Variants in PCDHGB7 observed in about 807,000 individuals in gnomAD.
PCDHGB7 encodes protocadherin gamma subfamily B, 7.
Under a neutral mutation model 61.4 loss-of-function variants are expected in PCDHGB7, and 37 were observed. The observed-to-expected ratio is 0.60, with a 90% confidence interval of 0.46 to 0.79. The LOEUF is 0.79. Ranked by LOEUF, PCDHGB7 falls within the 30% of genes least tolerant of loss-of-function variation. The pLI is 0.00. For synonymous variants in PCDHGB7, 464 were observed against 503.5 expected (o/e 0.92, Z 1.05); for missense variants, 1,166 against 1,202.5 (o/e 0.97, Z 0.45).
At chr5:141,435,214 A>G (rs1314928643) in intron 1 of PCDHGB7, among the ~76,000 whole-genome samples, 2 of 152,176 alleles carry the variant, frequency 1.3e-5, no homozygotes, top group South Asian at 2.1e-4. Context: ...AAGTGAATTT[A>G]CTTTCTTTCA....
chr5:141,432,934 G>GC lies in PCDHGB7; in HGVS notation c.2415+12661dup. On this transcript the variant is annotated intron_variant, in intron 1 of 3. Transcript: ENST00000398594. The surrounding 1 kb of genome is among the most constrained non-coding windows in gnomAD (Gnocchi z 6.0). ...GGCGCTGGCACAAGTCACGCCTGCT[G>GC]CAGGCTTCAGGAGGCGGCTTGACAG... The GC allele has an allele frequency of 6.2e-7, 1 of 1,614,196 alleles. No individual in the cohort carries two copies. Among genetic ancestry groups the GC allele is most frequent in the Non-Finnish European group, 8.5e-7 (1 of 1,180,040 alleles).
chr5:141,454,948 C>T (rs2098807728), intron 1 of PCDHGB7, among the ~76,000 whole-genome samples: 1 of 151,548 alleles, frequency 6.6e-6, no homozygotes, highest in Non-Finnish European at 1.5e-5. Flanking sequence ...GCTGGGACTA[C>T]AGGCGCCGGC....
At chr5:141,423,529 C>T in intron 1 of PCDHGB7, 1 of 1,613,754 alleles carries the variant, frequency 6.2e-7, no homozygotes, top group South Asian at 1.1e-5. Flanking sequence ...GCAGAAGAGT[C>T]ACCTGATTTT....
rs778684539 is a variant in PCDHGB7 at position 141,477,205 on chromosome 5, G to A, written c.2416-17602G>A. ...CCTCCGTGTACAGCCCAGTACCCGA[G>A]GATGCCCCTCTGGGGACTGTCATCG... On this transcript the variant is annotated intron_variant, in intron 1 of 3. Transcript: ENST00000398594. The surrounding 1 kb of genome is among the most constrained non-coding windows in gnomAD (Gnocchi z 4.9). 1 of 1,614,184 alleles carries A rather than the reference G, an allele frequency of 6.2e-7. No homozygotes were observed. The highest frequency in any genetic ancestry group is 8.5e-7 in the Non-Finnish European group (1 of 1,180,042).
chr5:141,480,407 C>T (rs906445993), intron 1 of PCDHGB7, among the ~76,000 whole-genome samples: 1 of 139,782 alleles, frequency 7.2e-6, no homozygotes, highest in Admixed American at 7.0e-5. Context: ...AGAGTGAGAC[C>T]CTGTCTCAAA....
At chr5:141,502,134 C>T (rs566073996) in intron 2 of PCDHGB7, among the ~76,000 whole-genome samples, 10 of 152,288 alleles carry the variant, frequency 6.6e-5, no homozygotes, top group African/African-American at 2.2e-4. Flanking sequence ...AGAGCTCAGT[C>T]GGGCCGGAAG....
chr5:141,486,816 C>G lies in PCDHGB7; in HGVS notation c.2416-7991C>G. The G allele has an allele frequency of 6.2e-7, 1 of 1,614,252 alleles. No individual in the cohort carries two copies. Among genetic ancestry groups the G allele is most frequent in the East Asian group, 2.2e-5 (1 of 44,884 alleles). ...CGGGGCAACCCACCCCTTAGCAGCACTGTAACAGTTCGTCTATTTGTGCTG... is the reference window on the plus strand; with the variant it reads ...CGGGGCAACCCACCCCTTAGCAGCAGTGTAACAGTTCGTCTATTTGTGCTG... On this transcript the variant is annotated intron_variant, in intron 1 of 3. Coordinates refer to ENST00000398594, the MANE Select transcript of PCDHGB7 (RefSeq NM_018927.4). The surrounding 1 kb of genome is among the most constrained non-coding windows in gnomAD (Gnocchi z 5.0).
At chr5:141,465,779 G>GTT (rs879859429) in intron 1 of PCDHGB7, among the ~76,000 whole-genome samples, 3 of 145,118 alleles carry the variant, frequency 2.1e-5, no homozygotes, top group Non-Finnish European at 3.0e-5. Context: ...TCTTGTTACA[G>GTT]TTTTTTTTTT....
At position 141,490,664 on chromosome 5, in the gene PCDHGB7, C is replaced by T; in HGVS notation, c.2416-4143C>T. 6.2e-7 allele frequency: 1 copy of T among 1,614,212 alleles called. No homozygotes were observed. The highest frequency in any genetic ancestry group is 1.1e-5 in the South Asian group (1 of 91,084). On this transcript the variant is annotated intron_variant, in intron 1 of 3. Coordinates refer to ENST00000398594, the MANE Select transcript of PCDHGB7 (RefSeq NM_018927.4). The surrounding 1 kb of genome is among the most constrained non-coding windows in gnomAD (Gnocchi z 5.4). ...CGGCCTCCGGGCTCCCTTCTTTGCA[C>T]TGTGGCTGCCTCAGATCCAGACACT...
chr5:141,420,244 C>A lies in PCDHGB7; in HGVS notation c.2385C>A (p.Ser795Arg), dbSNP rs755775597. Residue 795 changes from serine to arginine, a missense_variant, in exon 1 of 4, where the codon AGC becomes AGA. Coordinates refer to ENST00000398594, the MANE Select transcript of PCDHGB7 (RefSeq NM_018927.4). ...TACTGGCTAGCATTTTAACTCCCAGCGTTGAAGCAGATAAGAAGATTCTTA... is the reference window on the plus strand; with the variant it reads ...TACTGGCTAGCATTTTAACTCCCAGAGTTGAAGCAGATAAGAAGATTCTTA... ...SMLLASILTP[S>R]VEADKKILKQ... 83 of 1,584,438 alleles carry A rather than the reference C, an allele frequency of 5.2e-5. 1 individual carries two copies. The South Asian group carries it at 9.4e-4, about 18-fold the overall frequency.
At chr5:141,463,955 A>G (rs2154568299) in intron 1 of PCDHGB7, among the ~76,000 whole-genome samples, 1 of 152,288 alleles carries the variant, frequency 6.6e-6, no homozygotes, top group Middle Eastern at 3.4e-3. Flanking sequence ...CTTCATTTTT[A>G]AAATAGCTTC....
At chr5:141,480,625 G>A (rs1041569361) in intron 1 of PCDHGB7, among the ~76,000 whole-genome samples, 2 of 152,070 alleles carry the variant, frequency 1.3e-5, no homozygotes, top group Non-Finnish European at 2.9e-5. Flanking sequence ...ATTTTCCCTA[G>A]AACAATGTTT....
chr5:141,479,333 G>A (rs2154577502), intron 1 of PCDHGB7: 1 of 152,652 alleles, frequency 6.6e-6, no homozygotes, highest in East Asian at 1.9e-4. Context: ...TCAGTGGTGT[G>A]CACCTGTAGT....
chr5:141,472,980 C>CAAAAAAAAAAA (rs60579131), intron 1 of PCDHGB7, among the ~76,000 whole-genome samples: 11 of 86,030 alleles, frequency 1.3e-4, no homozygotes, highest in Non-Finnish European at 1.3e-4. Flanking sequence ...GAGTGAAACT[C>CAAAAAAAAAAA]AAAAAAAAAA....
At position 141,418,292 on chromosome 5, in the gene PCDHGB7, T is replaced by A; in HGVS notation, c.433T>A (p.Ser145Thr). Residue 145 changes from serine (S) to threonine (T), a missense_variant, in exon 1 of 4, where the codon TCC becomes ACC. Coordinates refer to ENST00000398594, the MANE Select transcript of PCDHGB7 (RefSeq NM_018927.4). ...TGAAATAAACTTAGAAATCAGTGAA[T>A]CCGTCAGCCTGGGGATGGGAACAAT... ...KDEINLEISE[S>T]VSLGMGTILE... The A allele has an allele frequency of 6.2e-7, 1 of 1,613,988 alleles. No individual in the cohort carries two copies.
chr5:141,426,643 T>C (rs1280631056), intron 1 of PCDHGB7: 1 of 411,758 alleles, frequency 2.4e-6, no homozygotes, highest in Non-Finnish European at 5.0e-6. Flanking sequence ...CACATAAATG[T>C]GATGATAGAA....
intron 3 of PCDHGB7, among the ~76,000 whole-genome samples, chr5:141,505,720 G>A (rs1251781594): frequency 2.2e-4 from 34 of 152,212 alleles, no homozygotes; most frequent in Non-Finnish European, 2.9e-5. Context: ...GACTCATGGA[G>A]GGAATAGTGG....
Position 141,477,531 on chromosome 5 carries a change from C to G in PCDHGB7, c.2416-17276C>G. ...GTTTACATTGAAGAAAACAACCTCC[C>G]CGGGGCTCCAATACTAAACCTAAGT... On this transcript the variant is annotated intron_variant, in intron 1 of 3. Coordinates refer to ENST00000398594, the MANE Select transcript of PCDHGB7 (RefSeq NM_018927.4). This position sits in a 1 kb window ranked among gnomAD's most constrained non-coding sequence, Gnocchi z 4.9. The G allele has an allele frequency of 6.2e-7, 1 of 1,614,162 alleles. No homozygotes were observed. Among genetic ancestry groups the G allele is most frequent in the South Asian group, 1.1e-5 (1 of 91,086 alleles).
Position 141,431,151 on chromosome 5 carries a change from C to T in PCDHGB7, c.2415+10877C>T, listed in dbSNP as rs764416448. The T allele has an allele frequency of 6.2e-7, 1 of 1,614,126 alleles. No individual in the cohort carries two copies. Among genetic ancestry groups the T allele is most frequent in the African/African-American group, 1.3e-5 (1 of 74,954 alleles). On this transcript the variant is annotated intron_variant, in intron 1 of 3. Coordinates refer to ENST00000398594, the MANE Select transcript of PCDHGB7 (RefSeq NM_018927.4). The surrounding 1 kb of genome is among the most constrained non-coding windows in gnomAD (Gnocchi z 4.8). ...GTAAGGGACATTAACGACAATGCGC[C>T]TTACTTTCGTGAAAGTGAATTAGAA...
Sources: allele counts gnomAD v4.1 joint callset (sites outside exome capture counted in the v4.1 genomes callset), GRCh38; gene constraint gnomAD v4.1.1; non-coding constraint Gnocchi (gnomAD v3.1); transcripts MANE v1.5; gene names NCBI Gene and HGNC (gene_info 2026-07-23, HGNC 2026-07-21).